The following MPPED1 variants were observed in gnomAD, a reference collection of about 807,000 sequenced individuals.
The protein encoded by MPPED1 is metallophosphoesterase domain containing 1, also known as metallophosphoesterase domain-containing protein 1.
Under a neutral mutation model 36.2 loss-of-function variants are expected in MPPED1, and 16 were observed. That is an observed-to-expected ratio of 0.44 (90% CI 0.30 to 0.67). The LOEUF (loss-of-function observed/expected upper bound fraction) is 0.67, where lower values mean the gene tolerates loss of function less well. Ranked by LOEUF, MPPED1 falls within the 30% of genes least tolerant of loss-of-function variation. The pLI is 0.10. For missense variants in MPPED1, 307 were observed against 453.4 expected (o/e 0.68, Z 2.93); for synonymous variants, 199 against 191.3 (o/e 1.04, Z -0.33).
Position 43,425,000 on chromosome 22 carries a change from G to T in MPPED1, c.15G>T (p.Arg5Ser). 1.2e-6 allele frequency: 2 copies of T among 1,601,236 alleles called. No homozygotes were observed. The highest frequency in any genetic ancestry group is 2.7e-5 in the African/African-American group (2 of 74,778). ...GGCGGAGGTCCATGTGGCGCTCTAG[G>T]TGGGATGCCAGCGTCCTGAAGGCGG... MWRSRWDASVLKAEA... is the reference protein window; with the variant it reads MWRSSWDASVLKAEA... Residue 5 changes from arginine (R) to serine (S), a missense_variant, in exon 2 of 7, where the codon AGG (arginine) becomes AGT (serine). Physicochemically the swap from Arg to Ser is moderately radical, Grantham distance 110. This residue lies in a region of MPPED1 where 169 missense variants were observed against 212.3 expected (regional missense o/e 0.80). Coordinates refer to ENST00000443721, the MANE Select transcript of MPPED1 (RefSeq NM_001044370.2).
At chr22:43,489,430 G>A (rs1029272048) in intron 4 of MPPED1, among the ~76,000 whole-genome samples, 1 of 151,948 alleles carries the variant, frequency 6.6e-6, no homozygotes, top group African/African-American at 2.4e-5. Flanking sequence ...CCCTTTCCCA[G>A]CCTGGGGATG....
At chr22:43,480,024 G>A (rs1287165983) in intron 4 of MPPED1, among the ~76,000 whole-genome samples, 3 of 152,102 alleles carry the variant, frequency 2.0e-5, no homozygotes, top group East Asian at 1.9e-4. Flanking sequence ...CACCACGCCC[G>A]GCTGATTTTT....
chr22:43,423,796 A>AT (rs1929360077), intron 1 of MPPED1, among the ~76,000 whole-genome samples: 1 of 152,170 alleles, frequency 6.6e-6, no homozygotes, highest in Non-Finnish European at 1.5e-5. Context: ...AAATGATGTT[A>AT]TTTTCTCCTT....
chr22:43,451,246 C>T (rs918948964), intron 3 of MPPED1, among the ~76,000 whole-genome samples: 3 of 152,228 alleles, frequency 2.0e-5, no homozygotes, highest in African/African-American at 7.2e-5. Context: ...ACCTCGTGAT[C>T]CACCCGCCTC....
At chr22:43,418,363 C>A (rs1929149043) in intron 1 of MPPED1, 7 of 348,592 alleles carry the variant, frequency 2.0e-5, no homozygotes, top group Non-Finnish European at 4.0e-5. Context: ...GCAGCAGCTC[C>A]TCTGGTAGTG....
At chr22:43,436,309 G>C (rs1034963898) in intron 3 of MPPED1, among the ~76,000 whole-genome samples, 2 of 152,164 alleles carry the variant, frequency 1.3e-5, no homozygotes, top group African/African-American at 4.8e-5. Context: ...GCAGCCCCAC[G>C]TGGCTGCCAG....
intron 3 of MPPED1, among the ~76,000 whole-genome samples, chr22:43,437,064 G>A (rs571927585): frequency 6.6e-6 from 1 of 152,342 alleles, no homozygotes; most frequent in South Asian, 2.1e-4. Flanking sequence ...CCTCACTCAA[G>A]GAGGAATGGG....
intron 5 of MPPED1, among the ~76,000 whole-genome samples, chr22:43,501,865 GT>G (rs1439676251): frequency 2.0e-5 from 3 of 151,508 alleles, no homozygotes; most frequent in African/African-American, 7.3e-5. Context: ...ATCTCTGTCT[GT>G]GTCTTCTCTT....
chr22:43,418,239 A>T (rs1339365187), intron 1 of MPPED1: 11 of 444,662 alleles, frequency 2.5e-5, no homozygotes, highest in Non-Finnish European at 4.1e-5. Context: ...GCACAGGGAC[A>T]GCAGATGTGA....
At chr22:43,445,353 C>CT (rs1930298271) in intron 3 of MPPED1, among the ~76,000 whole-genome samples, 1 of 152,038 alleles carries the variant, frequency 6.6e-6, no homozygotes, top group South Asian at 2.1e-4. Flanking sequence ...ATTGAAGTTT[C>CT]TTTTTTTCGC....
chr22:43,491,503 AGGT>A (rs2146904952), intron 4 of MPPED1, among the ~76,000 whole-genome samples: 3 of 138,472 alleles, frequency 2.2e-5, no homozygotes, highest in Non-Finnish European at 3.1e-5. Context: ...GTAATGATGG[AGGT>A]GGTGGTTATG....
intron 4 of MPPED1, among the ~76,000 whole-genome samples, chr22:43,496,203 T>C (rs1602018132): frequency 9.4e-6 from 1 of 106,170 alleles, no homozygotes; most frequent in Non-Finnish European, 1.9e-5. Flanking sequence ...GTAGTGGTGG[T>C]GGAGGTAGTG....
intron 1 of MPPED1, among the ~76,000 whole-genome samples, chr22:43,412,731 T>G (rs1311954288): frequency 6.6e-6 from 1 of 150,942 alleles, no homozygotes; most frequent in Non-Finnish European, 1.5e-5. Context: ...TATTCCTGTC[T>G]GCTATGTGCT....
intron 3 of MPPED1, among the ~76,000 whole-genome samples, chr22:43,462,313 G>A (rs1930982399): frequency 6.6e-6 from 1 of 152,194 alleles, no homozygotes; most frequent in Non-Finnish European, 1.5e-5. Flanking sequence ...AAGTCACAGA[G>A]TGCTACAGGG....
intron 4 of MPPED1, among the ~76,000 whole-genome samples, chr22:43,496,980 AGGT>A (rs2146916428): frequency 3.5e-5 from 3 of 85,878 alleles, no homozygotes; most frequent in Non-Finnish European, 2.3e-5. Flanking sequence ...GTGGTGGTGG[AGGT>A]AGTGGTGGTG....
chr22:43,460,649 T>A (rs1048465944), intron 3 of MPPED1, among the ~76,000 whole-genome samples: 2 of 152,148 alleles, frequency 1.3e-5, no homozygotes, highest in Non-Finnish European at 2.9e-5. Flanking sequence ...TCTGCTTGGT[T>A]AGCTTAGTTG....
At chr22:43,417,498 T>C (rs1929117229) in intron 1 of MPPED1, among the ~76,000 whole-genome samples, 1 of 150,186 alleles carries the variant, frequency 6.7e-6, no homozygotes, top group Non-Finnish European at 1.5e-5. Context: ...GGCTCATCAA[T>C]TGCATATTTT....
At chr22:43,460,230 C>G (rs897263509) in intron 3 of MPPED1, among the ~76,000 whole-genome samples, 6 of 116,682 alleles carry the variant, frequency 5.1e-5, no homozygotes, top group Non-Finnish European at 5.5e-5. Context: ...AAAACAAAAA[C>G]AAAAACAAAA....
chr22:43,414,442 G>T (rs1187134481), intron 1 of MPPED1, among the ~76,000 whole-genome samples: 1 of 152,120 alleles, frequency 6.6e-6, no homozygotes, highest in Non-Finnish European at 1.5e-5. Flanking sequence ...TGGAAAAAAA[G>T]AAAACCCTCC....
Sources: gnomAD v4.1 joint callset for allele counts (sites outside exome capture counted in the v4.1 genomes callset) on GRCh38, gnomAD v4.1.1 for gene constraint, gnomAD v4.1.1 regional missense constraint, MANE v1.5 for transcripts, NCBI Gene and HGNC (gene_info 2026-07-23, HGNC 2026-07-21) for gene names.